ABCG1: variants seen among roughly 807,000 people sequenced by gnomAD.
The protein encoded by ABCG1 is ATP binding cassette subfamily G member 1, also known as ATP-binding cassette sub-family G member 1.
ABCG1 carries 29 observed loss-of-function variants against 69.2 expected under a neutral mutation model. That is an observed-to-expected ratio of 0.42 (90% CI 0.31 to 0.57). The LOEUF is 0.57. Among genes scored for constraint, ABCG1 ranks in the 20% least tolerant of loss-of-function variants. The pLI is 0.15. For missense variants in ABCG1, 718 were observed against 898.1 expected (o/e 0.80, Z 2.56); for synonymous variants, 370 against 374.8 (o/e 0.99, Z 0.15).
At chr21:42,255,748 A>G (rs576408172) in intron 2 of ABCG1, among the ~76,000 whole-genome samples, 1 of 152,234 alleles carries the variant, frequency 6.6e-6, no homozygotes, top group African/African-American at 2.4e-5. Context: ...CCTTTAATCC[A>G]TGCTCAAGCC....
intron 2 of ABCG1, among the ~76,000 whole-genome samples, chr21:42,255,254 C>A (rs372539912): frequency 6.6e-6 from 1 of 152,238 alleles, no homozygotes; most frequent in African/African-American, 2.4e-5. Flanking sequence ...GTGCAGGGGG[C>A]GTGTGTGTGC....
At chr21:42,212,819 G>A (rs181132683), upstream of ABCG1, among the ~76,000 whole-genome samples, 392 of 148,994 alleles carry the variant, frequency 2.6e-3, 4 homozygotes, top group African/African-American at 9.2e-3. Flanking sequence ...TCAGCCTCCC[G>A]AGTAGCTGGG....
intron 13 of ABCG1, among the ~76,000 whole-genome samples, chr21:42,293,670 GCAC>G (rs1399563982): frequency 1.8e-5 from 1 of 55,558 alleles, no homozygotes; most frequent in Admixed American, 1.7e-4. Context: ...CACTACACAC[GCAC>G]CACACTACAC....
At chr21:42,263,859 C>T (rs8129569) in intron 2 of ABCG1, among the ~76,000 whole-genome samples, 16,019 of 152,212 alleles carry the variant, frequency 0.11, 2,763 homozygotes, top group African/African-American at 0.36. Context: ...TGGGAAGAGA[C>T]GACAAGGCCA....
chr21:42,293,997 C>G (rs899523066), intron 13 of ABCG1, among the ~76,000 whole-genome samples: 3 of 147,916 alleles, frequency 2.0e-5, no homozygotes, highest in African/African-American at 7.5e-5. Context: ...ACTCCACACA[C>G]CCTCCTACCC....
At position 42,271,203 on chromosome 21, in the gene ABCG1, C is replaced by G. The variant is rs2068611161; in HGVS notation, c.404+16C>G. On this transcript the variant is annotated intron_variant, in intron 3 of 14. Transcript: ENST00000398449. ...CTGGATACAGGTGAGCAGCCCTGCC[C>G]AGGGCGCAAAGTTCTCTCCCGGGTG... 1 of 1,498,020 alleles carries G rather than the reference C, an allele frequency of 6.7e-7. No homozygotes were observed. The highest frequency in any genetic ancestry group is 2.4e-5 in the Admixed American group (1 of 41,420). The allele number at this position is 1,498,020 out of a possible 1,614,324, so 92.8% of individuals were successfully genotyped here.
At chr21:42,246,604 T>C (rs1214381944) in intron 2 of ABCG1, among the ~76,000 whole-genome samples, 1 of 152,226 alleles carries the variant, frequency 6.6e-6, no homozygotes, top group Non-Finnish European at 1.5e-5. Flanking sequence ...TGTGTATATA[T>C]ATGAATATGT....
intron 1 of ABCG1, among the ~76,000 whole-genome samples, chr21:42,200,918 T>C (rs1472523143): frequency 6.6e-6 from 1 of 152,200 alleles, no homozygotes; most frequent in Non-Finnish European, 1.5e-5. Flanking sequence ...TGTTTTATTC[T>C]TATTTTATTG....
intron 2 of ABCG1, among the ~76,000 whole-genome samples, chr21:42,241,884 G>A (rs1448730885): frequency 6.7e-6 from 1 of 148,966 alleles, no homozygotes; most frequent in Non-Finnish European, 1.5e-5. Context: ...AGGCTGAGGT[G>A]GGAGGATCAC....
intron 13 of ABCG1, among the ~76,000 whole-genome samples, chr21:42,293,694 ACACACTACACATACAC>A (rs1264207678): frequency 4.0e-5 from 6 of 149,336 alleles, no homozygotes; most frequent in Admixed American, 2.7e-4. Flanking sequence ...ACTACACACC[ACACACTACACATACAC>A]CACACTACAC....
intron 2 of ABCG1, among the ~76,000 whole-genome samples, chr21:42,204,547 A>T (rs1247115097): frequency 2.0e-5 from 3 of 152,174 alleles, no homozygotes; most frequent in African/African-American, 7.2e-5. Flanking sequence ...ACATTGATTG[A>T]CTTTCAACTA....
intron 2 of ABCG1, among the ~76,000 whole-genome samples, chr21:42,262,412 G>A (rs1399776218): frequency 2.6e-5 from 4 of 152,206 alleles, no homozygotes; most frequent in Non-Finnish European, 4.4e-5. Context: ...AGATTTCAGA[G>A]CATCTCACTG....
intron 2 of ABCG1, among the ~76,000 whole-genome samples, chr21:42,209,840 C>T (rs1055657084): frequency 6.6e-6 from 1 of 152,232 alleles, no homozygotes; most frequent in Non-Finnish European, 1.5e-5. Context: ...GGATCATCAG[C>T]CCGCTTAATA....
chr21:42,256,680 A>G, intron 2 of ABCG1: 1 of 1,444,268 alleles, frequency 6.9e-7, no homozygotes, highest in Middle Eastern at 2.5e-4. Flanking sequence ...CCTCCCAGAG[A>G]CTGATGGCTT....
chr21:42,213,332 A>G (rs778640401), upstream of ABCG1, among the ~76,000 whole-genome samples: 3 of 152,242 alleles, frequency 2.0e-5, no homozygotes, highest in Non-Finnish European at 2.9e-5. Context: ...GGCACAATCA[A>G]TAAACCTTGG....
Position 42,225,678 on chromosome 21 carries a change from G to A in ABCG1, c.50G>A (p.Ser17Asn), listed in dbSNP as rs148797794. The A allele has an allele frequency of 1.1e-4, 170 of 1,612,384 alleles. No individual in the cohort carries two copies. In the African/African-American group the frequency reaches 2.0e-3, roughly 19 times the overall value. Residue 17 changes from serine to asparagine, a missense_variant, in exon 2 of 15, where the codon AGC (serine) becomes AAC (asparagine). Around this residue, in one of 2 missense-constraint regions of ABCG1, gnomAD observed 514 missense variants for 574.3 expected, o/e 0.90. Transcript: ENST00000398449. ...TTCCTCTGGTTTTTCTAGAATGCCA[G>A]CAGTTACTCTGCAGAGATGACGGAG... The part of the protein sequence containing the change: ...AFSVGTAMNA[S>N]SYSAEMTEPK...
chr21:42,243,814 C>CTTTTTTTTTTTTTTTT (rs11402831), intron 2 of ABCG1, among the ~76,000 whole-genome samples: 1 of 94,212 alleles, frequency 1.1e-5, no homozygotes, highest in African/African-American at 4.4e-5. Flanking sequence ...TTATCTTTGG[C>CTTTTTTTTTTTTTTTT]TTTTTTTTTT....
chr21:42,282,462 A>T, intron 6 of ABCG1, 43 bp downstream of exon 6: 2 of 1,561,340 alleles, frequency 1.3e-6, no homozygotes, highest in South Asian at 1.2e-5. Flanking sequence ...GGCAGGAAGA[A>T]CCCCCTGTAT....
intron 2 of ABCG1, among the ~76,000 whole-genome samples, chr21:42,202,422 G>A (rs958484475): frequency 2.0e-5 from 3 of 152,088 alleles, no homozygotes; most frequent in Non-Finnish European, 2.9e-5. Flanking sequence ...AGGAAGCATG[G>A]AGGAGTAAAG....
Sources: allele counts gnomAD v4.1 joint callset (sites outside exome capture counted in the v4.1 genomes callset), GRCh38; gene constraint gnomAD v4.1.1; regional missense constraint gnomAD v4.1.1; transcripts MANE v1.5; gene names NCBI Gene and HGNC (gene_info 2026-07-23, HGNC 2026-07-21).